CHD7: variants seen among roughly 807,000 people sequenced by gnomAD.
The protein encoded by CHD7 is ATP-dependent chromatin remodeler CHD7.
Under a neutral mutation model 307.3 loss-of-function variants are expected in CHD7, and 24 were observed. The observed-to-expected ratio is 0.08, with a 90% CI of 0.06 to 0.11. CHD7 has a LOEUF of 0.11. Among genes scored for constraint, CHD7 ranks in the 10% least tolerant of loss-of-function variants. The pLI is 1.00. For synonymous variants in CHD7, 1,363 were observed against 1,349.9 expected (o/e 1.01, Z -0.21); for missense variants, 3,106 against 3,727.1 (o/e 0.83, Z 4.34).
At position 60,796,628 on chromosome 8, in the gene CHD7, T is replaced by TTC. The variant is rs1554592006; in HGVS notation, c.2238+1502_2238+1503insCT. On this transcript the variant is annotated intron_variant, in intron 4 of 37. Transcript: ENST00000423902. ...ATACTAGCTTTAGGGTTTTTTTTTT[T>TTC]TTTCCTGCTGCATTTCAAACATAGA... 2.2e-3 allele frequency among the ~76,000 whole-genome samples: 333 copies of TTC among 150,468 alleles called. 1 individual carries two copies. Among genetic ancestry groups the TTC allele is most frequent in the African/African-American group, 6.9e-3 (285 of 41,136 alleles).
intron 3 of CHD7, among the ~76,000 whole-genome samples, chr8:60,784,047 T>C (rs1186799603): frequency 1.3e-5 from 2 of 152,240 alleles, no homozygotes; most frequent in Non-Finnish European, 2.9e-5. Context: ...GTTGTTCTAC[T>C]AAGTGTAGAA....
chr8:60,762,461 G>A (rs1269282638), intron 2 of CHD7, among the ~76,000 whole-genome samples: 4 of 152,172 alleles, frequency 2.6e-5, no homozygotes, highest in Non-Finnish European at 5.9e-5. Flanking sequence ...CTGTCACTTA[G>A]TGAGCTGTGT....
chr8:60,865,900 G>T lies in CHD7; in HGVS notation c.8961G>T (p.Gly2987=). 1 of 1,607,892 alleles carries T rather than the reference G, an allele frequency of 6.2e-7. No individual in the cohort carries two copies. Among genetic ancestry groups the T allele is most frequent in the Non-Finnish European group, 8.5e-7 (1 of 1,177,100 alleles). The change falls in exon 38 of 38, where the codon GGG becomes GGT. Residue 2987 remains glycine, a synonymous_variant. Transcript: ENST00000423902. This position sits in a 1 kb window ranked among gnomAD's most constrained non-coding sequence, Gnocchi z 4.3. ...AAGAGCTAGACTCACTTGATGGGGG[G>T]GATGAAATAGAAAACAATGAAAATG... ...QGEELDSLDG[G]DEIENNENDE
At chr8:60,767,901 A>G (rs976393647) in intron 2 of CHD7, among the ~76,000 whole-genome samples, 1 of 152,246 alleles carries the variant, frequency 6.6e-6, no homozygotes, top group African/African-American at 2.4e-5. Context: ...ACATATATTC[A>G]GCATAGACTA....
chr8:60,789,111 G>A (rs1382301695), intron 3 of CHD7, among the ~76,000 whole-genome samples: 1 of 152,126 alleles, frequency 6.6e-6, no homozygotes, highest in African/African-American at 2.4e-5. Context: ...AAGTTGAGAG[G>A]CTAGACACTC....
At chr8:60,800,339 T>TC in intron 4 of CHD7, 49 bp from the exon 5 acceptor site, 1 of 1,591,100 alleles carries the variant, frequency 6.3e-7, no homozygotes, top group Non-Finnish European at 8.6e-7. Context: ...GCCACATTTT[T>TC]CTTTTTAATC....
At chr8:60,844,379 C>T (rs1371095441) in intron 21 of CHD7, among the ~76,000 whole-genome samples, 1 of 152,182 alleles carries the variant, frequency 6.6e-6, no homozygotes, top group Non-Finnish European at 1.5e-5. Flanking sequence ...GAACCTTTCA[C>T]CAGTGACTGT....
rs1249032872 is a variant in CHD7 at position 60,865,420 on chromosome 8, C to T, written c.8481C>T (p.Thr2827=). 9 of 1,613,896 alleles carry T rather than the reference C, an allele frequency of 5.6e-6. No individual in the cohort carries two copies. Among genetic ancestry groups the T allele is most frequent in the Non-Finnish European group, 7.6e-6 (9 of 1,179,880 alleles). ...NNPLSAATGN[T]TTASSQGEPE... Reference sequence around the variant, plus strand: ...CTCTGTCAGCTGCTACTGGAAACACCACTACTGCTTCTAGTCAAGGAGAAC... The same window carrying T: ...CTCTGTCAGCTGCTACTGGAAACACTACTACTGCTTCTAGTCAAGGAGAAC... The change falls in exon 38 of 38, where the codon ACC becomes ACT. Residue 2827 remains threonine (T), a synonymous_variant. Transcript: ENST00000423902. This position sits in a 1 kb window ranked among gnomAD's most constrained non-coding sequence, Gnocchi z 4.3.
At chr8:60,797,567 A>G (rs1812091010) in intron 4 of CHD7, among the ~76,000 whole-genome samples, 2 of 152,204 alleles carry the variant, frequency 1.3e-5, no homozygotes, top group Admixed American at 1.3e-4. Context: ...ATGGCACAAC[A>G]CTGTGACAGT....
intron 13 of CHD7, chr8:60,824,377 T>C (rs1804176924): frequency 6.4e-6 from 2 of 311,696 alleles, no homozygotes; most frequent in African/African-American, 2.1e-5. Flanking sequence ...GAAATGCTCA[T>C]TGGAGCATTT....
At chr8:60,684,689 G>C (rs77579322) in intron 1 of CHD7, among the ~76,000 whole-genome samples, 1,816 of 152,278 alleles carry the variant, frequency 0.012, 39 homozygotes, top group African/African-American at 0.041. Context: ...ACTCGAGGCA[G>C]GCAGTATCCA....
chr8:60,801,715 A>G (rs1394228070), intron 6 of CHD7, 122 bp downstream of exon 6: 6 of 660,424 alleles, frequency 9.1e-6, no homozygotes, highest in East Asian at 8.3e-5. Context: ...AATATTTCTA[A>G]TCCTGTCTAA....
intron 1 of CHD7, among the ~76,000 whole-genome samples, chr8:60,720,707 C>G (rs1807856380): frequency 2.0e-5 from 3 of 152,194 alleles, no homozygotes; most frequent in African/African-American, 7.2e-5. Context: ...GGGATTATTC[C>G]CATTGCTGCC....
chr8:60,720,377 G>C (rs1807837039), intron 1 of CHD7, among the ~76,000 whole-genome samples: 1 of 152,188 alleles, frequency 6.6e-6, no homozygotes, highest in Non-Finnish European at 1.5e-5. Context: ...GCCCCAGAAA[G>C]GCTGTATCAG....
chr8:60,771,605 G>C (rs1407208151), intron 2 of CHD7, among the ~76,000 whole-genome samples: 2 of 152,150 alleles, frequency 1.3e-5, no homozygotes, highest in African/African-American at 2.4e-5. Context: ...GGTTTAGCTG[G>C]GTCCTCTACT....
chr8:60,796,112 A>G (rs1327265951), intron 4 of CHD7, among the ~76,000 whole-genome samples: 2 of 152,248 alleles, frequency 1.3e-5, no homozygotes, highest in African/African-American at 2.4e-5. Flanking sequence ...CCTGATACCT[A>G]TAACTTCACA....
At position 60,845,054 on chromosome 8, in the gene CHD7, A is replaced by C. The variant is rs775363676; in HGVS notation, c.5041A>C (p.Asn1681His). The C allele has an allele frequency of 2.5e-6, 4 of 1,613,918 alleles. No homozygotes were observed. The highest frequency in any genetic ancestry group is 3.4e-6 in the Non-Finnish European group (4 of 1,179,830). ...TADGQTRALV[N>H]HSGLSAPVPR... ...GGATGGCCAGACTCGAGCCTTGGTCAACCATTCCGGTAGGTCTCCACCATG... is the reference window on the plus strand; with the variant it reads ...GGATGGCCAGACTCGAGCCTTGGTCCACCATTCCGGTAGGTCTCCACCATG... Residue 1681 changes from asparagine to histidine, a missense_variant, in exon 22 of 38, where the codon AAC (asparagine) becomes CAC (histidine). Transcript: ENST00000423902.
At chr8:60,827,651 G>A (rs992702811) in intron 13 of CHD7, among the ~76,000 whole-genome samples, 2 of 152,090 alleles carry the variant, frequency 1.3e-5, no homozygotes, top group Non-Finnish European at 2.9e-5. Flanking sequence ...AAAGGGAAGA[G>A]AAGGAGGAAT....
intron 7 of CHD7, among the ~76,000 whole-genome samples, chr8:60,811,264 T>C (rs1812794834): frequency 6.6e-6 from 1 of 152,236 alleles, no homozygotes. Context: ...AATATTAATA[T>C]GTTACAAAAG....
Sources: allele counts gnomAD v4.1 joint callset (sites outside exome capture counted in the v4.1 genomes callset), GRCh38; gene constraint gnomAD v4.1.1; non-coding constraint Gnocchi (gnomAD v3.1); transcripts MANE v1.5; gene names NCBI Gene and HGNC (gene_info 2026-07-23, HGNC 2026-07-21).